KCNIP1: variants seen among roughly 807,000 people sequenced by gnomAD.
KCNIP1 encodes the protein A-type potassium channel modulatory protein KCNIP1.
Under a neutral mutation model 33.0 loss-of-function variants are expected in KCNIP1, and 18 were observed. The ratio of observed to expected loss-of-function variants is 0.55; its 90% CI spans 0.38 to 0.81. The LOEUF (loss-of-function observed/expected upper bound fraction) is 0.81, where lower values mean the gene tolerates loss of function less well. KCNIP1 is among the 30% of genes least tolerant of loss of function. The pLI is 0.00. For missense variants in KCNIP1, 238 were observed against 271.6 expected, an observed-to-expected ratio of 0.88 and a Z score of 0.87; for synonymous variants, 93 against 98.3, an observed-to-expected ratio of 0.95 and a Z score of 0.32.
chr5:170,681,375 G>A, intron 1 of KCNIP1: 1 of 366,304 alleles, frequency 2.7e-6, no homozygotes, highest in East Asian at 4.0e-5. Flanking sequence ...GTGCTGAAAT[G>A]TGGTGCGCCT....
chr5:170,362,730 G>T (rs745547403), intron 1 of KCNIP1, among the ~76,000 whole-genome samples: 4 of 152,196 alleles, frequency 2.6e-5, no homozygotes, highest in Non-Finnish European at 4.4e-5. Flanking sequence ...GTGTGATTCT[G>T]GGGCTTGTAT....
intron 1 of KCNIP1, among the ~76,000 whole-genome samples, chr5:170,688,892 C>T (rs1440294431): frequency 1.3e-5 from 2 of 151,618 alleles, no homozygotes; most frequent in Non-Finnish European, 2.9e-5. Context: ...TAGATCATCA[C>T]CTGGCTTCTC....
chr5:170,472,718 T>C (rs1272385430), intron 1 of KCNIP1, among the ~76,000 whole-genome samples: 1 of 152,144 alleles, frequency 6.6e-6, no homozygotes. Flanking sequence ...CTTAGAATAA[T>C]AGTCTCCAAT....
chr5:170,354,073 A>G, intron 1 of KCNIP1: 1 of 1,043,366 alleles, frequency 9.6e-7, no homozygotes, highest in Non-Finnish European at 1.4e-6. Context: ...GTCTTGGAAA[A>G]AGCTGGGGAA....
intron 1 of KCNIP1, among the ~76,000 whole-genome samples, chr5:170,382,237 C>T (rs1764272480): frequency 6.6e-6 from 1 of 152,180 alleles, no homozygotes; most frequent in South Asian, 2.1e-4. Flanking sequence ...TTGCCAACAG[C>T]AATAATTTCC....
intron 1 of KCNIP1, among the ~76,000 whole-genome samples, chr5:170,608,839 C>T (rs1223588929): frequency 6.6e-6 from 1 of 151,966 alleles, no homozygotes; most frequent in Non-Finnish European, 1.5e-5. Flanking sequence ...GCCACAAAGT[C>T]ATATTACTCC....
chr5:170,367,543 G>A (rs1490867646), intron 1 of KCNIP1, among the ~76,000 whole-genome samples: 1 of 152,086 alleles, frequency 6.6e-6, no homozygotes, highest in Non-Finnish European at 1.5e-5. Context: ...GAGGATGGGA[G>A]GAAGGACCAC....
intron 1 of KCNIP1, among the ~76,000 whole-genome samples, chr5:170,611,163 AT>A (rs76753434): frequency 0.13 from 20,067 of 152,140 alleles, 1,647 homozygotes; most frequent in Non-Finnish European, 0.18. Context: ...CTAGTCTCTG[AT>A]TTTTTAGCCC....
At chr5:170,634,682 T>C (rs1175168852) in intron 1 of KCNIP1, among the ~76,000 whole-genome samples, 1 of 152,040 alleles carries the variant, frequency 6.6e-6, no homozygotes, top group Non-Finnish European at 1.5e-5. Flanking sequence ...GGTTGGCAGA[T>C]TAGGAAGGAC....
chr5:170,490,477 A>G (rs966571263), intron 1 of KCNIP1, among the ~76,000 whole-genome samples: 2 of 152,182 alleles, frequency 1.3e-5, no homozygotes, highest in Admixed American at 1.3e-4. Context: ...ACACATACAC[A>G]CACCCATAAG....
At chr5:170,465,969 C>T (rs1581217497) in intron 1 of KCNIP1, among the ~76,000 whole-genome samples, 1 of 152,060 alleles carries the variant, frequency 6.6e-6, no homozygotes, top group African/African-American at 2.4e-5. Flanking sequence ...CTAACCGGAA[C>T]GATGAATGTG....
rs558737772 is a variant in KCNIP1 at position 170,504,038 on chromosome 5, T to TGGCAGCAGGCAGCAGGCAGCAGGCAGCA, written c.-511_-510insAGCAGGCAGCAGGCAGCAGGCAGCAGGC. On this transcript the variant is annotated 5_prime_UTR_variant, in exon 1 of 8. Transcript: ENST00000328939. This position sits in a 1 kb window ranked among gnomAD's most constrained non-coding sequence, Gnocchi z 6.0. ...CCGCTCCGACTCTCGCCCCGAGCGC[T>TGGCAGCAGGCAGCAGGCAGCAGGCAGCA]GGCAGCAGGCAGCAGGCAGCAGGCG... The TGGCAGCAGGCAGCAGGCAGCAGGCAGCA allele has an allele frequency of 1.0e-6, 1 of 985,110 alleles. No individual in the cohort carries two copies. The highest frequency in any genetic ancestry group is 1.8e-5 in the African/African-American group (1 of 57,068). The allele number at this position is 985,110 out of a possible 1,614,324, so 61.0% of individuals were successfully genotyped here. A position where few individuals can be genotyped will look rare whatever the true frequency, so the allele number is the denominator to read the frequency against.
intron 1 of KCNIP1, among the ~76,000 whole-genome samples, chr5:170,467,401 C>G (rs1372758200): frequency 1.3e-4 from 20 of 152,080 alleles, no homozygotes; most frequent in Admixed American, 1.3e-3. Context: ...TGCACCAACC[C>G]AATAAGAAAG....
In KCNIP1 at chr5:170,718,804, C is replaced by T. The variant is rs777345443; in HGVS notation, c.108C>T (p.Pro36=). ...AGATGACCATGGTTTGCCATCGGCCCGAGGGACTGGAGCAGCTCGAGGCCC... is the reference window on the plus strand; with the variant it reads ...AGATGACCATGGTTTGCCATCGGCCTGAGGGACTGGAGCAGCTCGAGGCCC... ...ELEMTMVCHR[P]EGLEQLEAQT... Residue 36 remains proline, a synonymous_variant, in exon 2 of 8, where the codon CCC becomes CCT. Coordinates refer to ENST00000328939, the MANE Select transcript of KCNIP1 (RefSeq NM_014592.4). 35 of 1,611,606 alleles carry T rather than the reference C, an allele frequency of 2.2e-5. No homozygotes were observed. The highest frequency in any genetic ancestry group is 4.4e-5 in the South Asian group (4 of 90,828).
intron 1 of KCNIP1, among the ~76,000 whole-genome samples, chr5:170,359,125 C>T (rs1039146766): frequency 6.6e-6 from 1 of 152,190 alleles, no homozygotes; most frequent in Non-Finnish European, 1.5e-5. Context: ...CATACCCATG[C>T]TCTCTCAGTA....
At chr5:170,531,099 A>G (rs1181139793) in intron 1 of KCNIP1, among the ~76,000 whole-genome samples, 1 of 152,180 alleles carries the variant, frequency 6.6e-6, no homozygotes, top group Admixed American at 6.5e-5. Context: ...AACCCCCTGA[A>G]GCTTGTGGGT....
chr5:170,353,908 G>T (rs1182876618), exon 1 of KCNIP1: 3 of 1,614,084 alleles, frequency 1.9e-6, no homozygotes, highest in African/African-American at 1.3e-5. Context: ...TGCAAGCTTG[G>T]GTTCGTGAAA....
chr5:170,516,594 T>C (rs980758270), intron 1 of KCNIP1, among the ~76,000 whole-genome samples: 21 of 152,194 alleles, frequency 1.4e-4, no homozygotes, highest in African/African-American at 5.1e-4. Flanking sequence ...ATTCACAAGA[T>C]ACGAACATCA....
At chr5:170,493,276 C>T (rs1159880948) in intron 1 of KCNIP1, among the ~76,000 whole-genome samples, 2 of 152,196 alleles carry the variant, frequency 1.3e-5, no homozygotes. Flanking sequence ...AATGGGTTCT[C>T]AGATGAGGTA....
Sources: allele counts gnomAD v4.1 joint callset (sites outside exome capture counted in the v4.1 genomes callset), GRCh38; gene constraint gnomAD v4.1.1; non-coding constraint Gnocchi (gnomAD v3.1); transcripts MANE v1.5; gene names NCBI Gene and HGNC (gene_info 2026-07-23, HGNC 2026-07-21).